The following IL1R1 variants were observed in gnomAD, a reference collection of about 807,000 sequenced individuals.
The protein encoded by IL1R1 is interleukin 1 receptor type 1.
Under a neutral mutation model 50.2 loss-of-function variants are expected in IL1R1, and 22 were observed. The observed-to-expected ratio is 0.44, with a 90% CI of 0.31 to 0.63. The LOEUF (loss-of-function observed/expected upper bound fraction) is 0.63. IL1R1 is among the 20% of genes least tolerant of loss of function. The probability of loss-of-function intolerance (pLI) is 0.07; values close to 1 mark genes in which losing one functional copy is unlikely to be tolerated. For synonymous variants in IL1R1, 251 were observed against 236.7 expected, an observed-to-expected ratio of 1.06 and a Z score of -0.55; for missense variants, 509 against 676.2, an observed-to-expected ratio of 0.75 and a Z score of 2.74.
At chr2:102,085,605 G>T (rs1429527278) in intron 1 of IL1R1, among the ~76,000 whole-genome samples, 1 of 151,756 alleles carries the variant, frequency 6.6e-6, no homozygotes, top group Non-Finnish European at 1.5e-5. Flanking sequence ...CTGAAATGCT[G>T]TCCTAATTAC....
upstream of IL1R1, among the ~76,000 whole-genome samples, chr2:102,102,920 C>G (rs1270402271): frequency 6.6e-6 from 1 of 152,064 alleles, no homozygotes; most frequent in Non-Finnish European, 1.5e-5. Context: ...ACTGCATGGT[C>G]TCACTTATAA....
intron 1 of IL1R1, among the ~76,000 whole-genome samples, chr2:102,109,567 C>T (rs1292696967): frequency 6.6e-6 from 1 of 152,168 alleles, no homozygotes; most frequent in Admixed American, 6.5e-5. Context: ...TCCAGTTCTA[C>T]TGCATTTGGA....
chr2:102,095,895 CGGGAGGCCGA>C (rs929393151), intron 1 of IL1R1, among the ~76,000 whole-genome samples: 19 of 151,952 alleles, frequency 1.3e-4, no homozygotes, highest in African/African-American at 3.4e-4. Flanking sequence ...CCCAGCTACT[CGGGAGGCCGA>C]GGGAGGAGAA....
Position 102,152,434 on chromosome 2 carries a change from G to A in IL1R1, c.-83-1507G>A, listed in dbSNP as rs1344442514. ...GCAGGAGAATGGCCTGGATGCGGGA[G>A]GCAGAGCTTGCAGTGAGCCTAGATC... is the stretch of plus-strand genomic sequence containing the variant. On this transcript the variant is annotated intron_variant, in intron 1 of 11. Coordinates refer to ENST00000410023, the MANE Select transcript of IL1R1 (RefSeq NM_000877.4). Among the ~76,000 whole-genome samples the A allele has an allele frequency of 2.1e-5, 3 of 144,354 alleles. No individual in the cohort carries two copies. In the Admixed American group the frequency reaches 2.2e-4, roughly 11 times the overall value. The allele number at this position is 144,354 out of a possible 152,430, so 94.7% of individuals were successfully genotyped here.
intron 1 of IL1R1, among the ~76,000 whole-genome samples, chr2:102,124,277 C>G (rs1374270865): frequency 6.6e-6 from 1 of 151,712 alleles, no homozygotes; most frequent in Non-Finnish European, 1.5e-5. Context: ...GAAAAATTAG[C>G]CAAGCATGGT....
chr2:102,105,830 C>T (rs1680379169), intron 1 of IL1R1, among the ~76,000 whole-genome samples: 1 of 152,156 alleles, frequency 6.6e-6, no homozygotes, highest in Non-Finnish European at 1.5e-5. Context: ...CAATGTTGCA[C>T]CTATAGCTAT....
chr2:102,152,365 C>T (rs1193212963), intron 1 of IL1R1, among the ~76,000 whole-genome samples: 1 of 151,200 alleles, frequency 6.6e-6, no homozygotes, highest in South Asian at 2.1e-4. Flanking sequence ...ATTAGCCGGG[C>T]GTGGTGGCAG....
intron 1 of IL1R1, among the ~76,000 whole-genome samples, chr2:102,123,403 A>C (rs1288094276): frequency 6.6e-6 from 1 of 152,214 alleles, no homozygotes; most frequent in Non-Finnish European, 1.5e-5. Context: ...GAGTAAATCA[A>C]AGTAGCATTT....
At chr2:102,163,436 A>G (rs185583525) in intron 3 of IL1R1, among the ~76,000 whole-genome samples, 1 of 152,206 alleles carries the variant, frequency 6.6e-6, no homozygotes, top group East Asian at 1.9e-4. Context: ...AATTTTGGAT[A>G]ATTTCTAATG....
At chr2:102,118,499 A>C (rs558160329) in intron 1 of IL1R1, among the ~76,000 whole-genome samples, 1 of 152,210 alleles carries the variant, frequency 6.6e-6, no homozygotes, top group Admixed American at 6.5e-5. Context: ...ACAGCTGGTC[A>C]GTCAGACATA....
chr2:102,084,435 T>C (rs1360854170), intron 1 of IL1R1, among the ~76,000 whole-genome samples: 1 of 152,226 alleles, frequency 6.6e-6, no homozygotes, highest in East Asian at 1.9e-4. Context: ...GTAAAAATCC[T>C]GGTTGAGAAA....
chr2:102,122,605 G>A (rs189733749), intron 1 of IL1R1, among the ~76,000 whole-genome samples: 16 of 152,306 alleles, frequency 1.1e-4, no homozygotes. Context: ...GCGAAAAATT[G>A]TAGTTAATAT....
At chr2:102,121,203 G>C (rs555144305) in intron 1 of IL1R1, among the ~76,000 whole-genome samples, 1 of 152,128 alleles carries the variant, frequency 6.6e-6, no homozygotes, top group Non-Finnish European at 1.5e-5. Flanking sequence ...CCAGCCACCC[G>C]GTGCTGACCA....
chr2:102,145,573 C>T (rs901281036), intron 1 of IL1R1, among the ~76,000 whole-genome samples: 18 of 152,140 alleles, frequency 1.2e-4, no homozygotes, highest in African/African-American at 3.6e-4. Flanking sequence ...CTCATGCCCA[C>T]GAGCGGACAG....
At chr2:102,084,042 AGCGACTCTGAATCTCTT>A (rs752517584) in intron 1 of IL1R1, among the ~76,000 whole-genome samples, 44 of 151,942 alleles carry the variant, frequency 2.9e-4, no homozygotes, top group East Asian at 2.9e-3. Context: ...AAGGCCTCAT[AGCGACTCTGAATCTCTT>A]GCGACTCTGA....
intron 1 of IL1R1, among the ~76,000 whole-genome samples, chr2:102,128,463 C>A (rs1416905804): frequency 6.6e-6 from 1 of 152,192 alleles, no homozygotes; most frequent in African/African-American, 2.4e-5. Context: ...TCATCTCTAT[C>A]ATTGACTATG....
Position 102,179,748 on chromosome 2 carries a change from T to A in IL1R1, c.*2989T>A, listed in dbSNP as rs542787172. The A allele has an allele frequency of 1.3e-5, 2 of 152,748 alleles. No individual in the cohort carries two copies. The highest frequency in any genetic ancestry group is 2.9e-5 in the Non-Finnish European group (2 of 68,032). The allele number at this position is 152,748 out of a possible 1,614,324, so 9.5% of individuals were successfully genotyped here. A position where few individuals can be genotyped will look rare whatever the true frequency, so the allele number is the denominator to read the frequency against. ...TGATGAAGGAGTTTTTTTTAACCTG[T>A]TTATATAATTTTGCAGCAGAAGCCA... is the stretch of plus-strand genomic sequence containing the variant. On this transcript the variant is annotated 3_prime_UTR_variant, in exon 12 of 12. Transcript: ENST00000410023.
chr2:102,172,955 G>T, intron 9 of IL1R1, 117 bp downstream of exon 9: 1 of 678,722 alleles, frequency 1.5e-6, no homozygotes, highest in South Asian at 2.0e-5. Context: ...TCATTACTTG[G>T]GTAACTTCTA....
chr2:102,149,964 G>A (rs140094173), intron 1 of IL1R1, among the ~76,000 whole-genome samples: 7 of 152,240 alleles, frequency 4.6e-5, no homozygotes, highest in Admixed American at 6.5e-5. Flanking sequence ...CTCTGCTGCC[G>A]CTGTCCCCAG....
Sources: allele counts gnomAD v4.1 joint callset (sites outside exome capture counted in the v4.1 genomes callset), GRCh38; gene constraint gnomAD v4.1.1; transcripts MANE v1.5; gene names NCBI Gene and HGNC (gene_info 2026-07-23, HGNC 2026-07-21).